Variants in SH3PXD2A observed in about 807,000 individuals in gnomAD.
SH3PXD2A encodes the protein SH3 and PX domain-containing protein 2A.
A neutral mutation model predicts 115.2 loss-of-function variants in SH3PXD2A; 32 were observed. The observed-to-expected ratio is 0.28, with a 90% CI of 0.21 to 0.37. The LOEUF (loss-of-function observed/expected upper bound fraction) is 0.37. SH3PXD2A is among the 10% of genes least tolerant of loss of function. The pLI, the probability that SH3PXD2A is intolerant of heterozygous loss-of-function variation, is 1.00. For synonymous variants in SH3PXD2A, 610 were observed against 629.1 expected, an observed-to-expected ratio of 0.97 and a Z score of 0.45; for missense variants, 1,328 against 1,498.7, an observed-to-expected ratio of 0.89 and a Z score of 1.88.
At chr10:103,837,433 C>A (rs1256232621) in intron 1 of SH3PXD2A, among the ~76,000 whole-genome samples, 4 of 152,186 alleles carry the variant, frequency 2.6e-5, no homozygotes, top group Admixed American at 1.3e-4. Flanking sequence ...AACTCCCATT[C>A]CCCACCACTT....
At chr10:103,772,659 A>C (rs1173930755) in intron 2 of SH3PXD2A, among the ~76,000 whole-genome samples, 1 of 152,200 alleles carries the variant, frequency 6.6e-6, no homozygotes, top group African/African-American at 2.4e-5. Context: ...CTCCAGCCAG[A>C]GAAAGCTGAT....
chr10:103,649,144 T>C (rs1176156021), intron 8 of SH3PXD2A, among the ~76,000 whole-genome samples: 2 of 152,102 alleles, frequency 1.3e-5, no homozygotes, highest in African/African-American at 2.4e-5. Flanking sequence ...AGGGGTAAGA[T>C]GGAATCTTAG....
At chr10:103,610,080 G>C (rs2036401890) in intron 13 of SH3PXD2A, 1 of 152,324 alleles carries the variant, frequency 6.6e-6, no homozygotes, top group Non-Finnish European at 1.5e-5. Flanking sequence ...CTTCTTCCCA[G>C]CCTTCCTCAT....
intron 3 of SH3PXD2A, among the ~76,000 whole-genome samples, chr10:103,758,842 G>A (rs1176320306): frequency 6.6e-6 from 1 of 152,212 alleles, no homozygotes; most frequent in African/African-American, 2.4e-5. Context: ...ATTACCAACA[G>A]ACCCTATTTT....
chr10:103,627,340 C>G lies in SH3PXD2A; in HGVS notation c.605-138G>C. ...AGATGGCCTGGGGACCCAGCAAATG[C>G]CTGGCCCAGCTCCAGCCTCGAGGAG... On this transcript the variant is annotated intron_variant, in intron 8 of 14. Coordinates refer to ENST00000369774, the MANE Select transcript of SH3PXD2A (RefSeq NM_001394015.1). This position sits in a 1 kb window ranked among gnomAD's most constrained non-coding sequence, Gnocchi z 4.4. 1 of 614,918 alleles carries G rather than the reference C, an allele frequency of 1.6e-6. No individual in the cohort carries two copies. Among genetic ancestry groups the G allele is most frequent in the East Asian group, 2.7e-5 (1 of 36,396 alleles). The allele number at this position is 614,918 out of a possible 1,614,324, so 38.1% of individuals were successfully genotyped here. A position where few individuals can be genotyped will look rare whatever the true frequency, so the allele number is the denominator to read the frequency against.
intron 5 of SH3PXD2A, among the ~76,000 whole-genome samples, chr10:103,717,411 T>G (rs1338695988): frequency 6.6e-6 from 1 of 152,120 alleles, no homozygotes; most frequent in Admixed American, 6.5e-5. Flanking sequence ...GGGCCCAAGC[T>G]GAGTCTGGAG....
intron 8 of SH3PXD2A, among the ~76,000 whole-genome samples, chr10:103,654,285 G>C (rs1041083267): frequency 6.6e-6 from 1 of 152,174 alleles, no homozygotes; most frequent in African/African-American, 2.4e-5. Context: ...CCAGGGGAGT[G>C]AGTCTGGCCC....
chr10:103,814,717 C>G (rs115533794), intron 1 of SH3PXD2A, among the ~76,000 whole-genome samples: 5 of 152,258 alleles, frequency 3.3e-5, no homozygotes, highest in South Asian at 4.1e-4. Context: ...AAGAAGCTTT[C>G]AAATAATAGT....
chr10:103,816,520 T>C (rs1242116742), intron 1 of SH3PXD2A, among the ~76,000 whole-genome samples: 1 of 152,144 alleles, frequency 6.6e-6, no homozygotes, highest in East Asian at 1.9e-4. Context: ...ATGGTGAGGA[T>C]GTAGAGAAAT....
chr10:103,706,368 A>G (rs1435719619), intron 5 of SH3PXD2A, among the ~76,000 whole-genome samples: 1 of 152,180 alleles, frequency 6.6e-6, no homozygotes, highest in Non-Finnish European at 1.5e-5. Flanking sequence ...CTCTCAGCAG[A>G]GGTTTTTTAA....
chr10:103,839,656 G>A (rs185166110), intron 1 of SH3PXD2A, among the ~76,000 whole-genome samples: 30 of 151,624 alleles, frequency 2.0e-4, no homozygotes, highest in Admixed American at 4.6e-4. Context: ...CAGCCCCTGA[G>A]TGGCAAGGCT....
chr10:103,721,789 T>C (rs1442674415), intron 5 of SH3PXD2A, among the ~76,000 whole-genome samples: 1 of 151,938 alleles, frequency 6.6e-6, no homozygotes, highest in East Asian at 1.9e-4. Flanking sequence ...TCCCTTGCCC[T>C]GAGGCAAGGC....
intron 2 of SH3PXD2A, among the ~76,000 whole-genome samples, chr10:103,775,254 C>G (rs538001016): frequency 6.6e-6 from 1 of 152,188 alleles, no homozygotes; most frequent in African/African-American, 2.4e-5. Context: ...AACATGCAAG[C>G]CTTCACTACT....
chr10:103,812,148 G>C (rs946168451), intron 1 of SH3PXD2A, among the ~76,000 whole-genome samples: 41 of 152,206 alleles, frequency 2.7e-4, no homozygotes, highest in African/African-American at 9.9e-4. Flanking sequence ...TTGGACCTTT[G>C]TACCTTCCTC....
At chr10:103,605,568 G>C (rs1431103084) in intron 14 of SH3PXD2A, among the ~76,000 whole-genome samples, 1 of 152,196 alleles carries the variant, frequency 6.6e-6, no homozygotes, top group African/African-American at 2.4e-5. Context: ...TCTGGGAAAT[G>C]TTGTGAGACA....
At chr10:103,623,273 CCT>C (rs2036636810) in intron 9 of SH3PXD2A, among the ~76,000 whole-genome samples, 1 of 138,930 alleles carries the variant, frequency 7.2e-6, no homozygotes, top group African/African-American at 3.4e-5. Context: ...ACAGGGGCCC[CCT>C]CCCCAGCTTC....
intron 6 of SH3PXD2A, among the ~76,000 whole-genome samples, chr10:103,679,278 T>A (rs751731741): frequency 9.2e-5 from 14 of 152,322 alleles, no homozygotes; most frequent in Non-Finnish European, 2.1e-4. Context: ...CATCTTGGTA[T>A]CACTGAGGTT....
chr10:103,820,739 G>A (rs929170539), intron 1 of SH3PXD2A, among the ~76,000 whole-genome samples: 4 of 152,150 alleles, frequency 2.6e-5, no homozygotes, highest in Non-Finnish European at 5.9e-5. Context: ...GGGGCGGGGG[G>A]GTTGGGCGCC....
At chr10:103,681,595 T>C (rs1401577942) in intron 6 of SH3PXD2A, among the ~76,000 whole-genome samples, 1 of 152,102 alleles carries the variant, frequency 6.6e-6, no homozygotes, top group Non-Finnish European at 1.5e-5. Flanking sequence ...AATACAAAAA[T>C]TAGCCAGGTG....
Sources: gnomAD v4.1 joint callset for allele counts (sites outside exome capture counted in the v4.1 genomes callset) on GRCh38, gnomAD v4.1.1 for gene constraint, Gnocchi (gnomAD v3.1) non-coding constraint, MANE v1.5 for transcripts, NCBI Gene and HGNC (gene_info 2026-07-23, HGNC 2026-07-21) for gene names.